FNDC3B: variants seen among roughly 807,000 people sequenced by gnomAD.
The protein encoded by FNDC3B is fibronectin type III domain-containing protein 3B.
FNDC3B carries 12 observed loss-of-function variants against 151.5 expected under a neutral mutation model. The observed-to-expected ratio is 0.08, with a 90% CI of 0.05 to 0.13. FNDC3B has a LOEUF of 0.13. Among genes scored for constraint, FNDC3B ranks in the 10% least tolerant of loss-of-function variants. FNDC3B has a pLI of 1.00. For synonymous variants in FNDC3B, 528 were observed against 549.0 expected, an observed-to-expected ratio of 0.96 and a Z score of 0.54; for missense variants, 1,214 against 1,505.3, an observed-to-expected ratio of 0.81 and a Z score of 3.20.
chr3:172,192,474 C>G (rs375932063), intron 3 of FNDC3B, among the ~76,000 whole-genome samples: 5 of 151,948 alleles, frequency 3.3e-5, no homozygotes, highest in Non-Finnish European at 4.4e-5. Flanking sequence ...TGTGAGCCAC[C>G]GCGCCTGGCT....
In FNDC3B at chr3:172,145,472, G is replaced by A. The variant is rs191672593; in HGVS notation, c.187+11926G>A. On this transcript the variant is annotated intron_variant, in intron 3 of 25. Transcript: ENST00000415807. Reference sequence around the variant, plus strand: ...ACGCATACACTTATCTCATGTAAATGTCAAACTGTTTGTTCTTGAAGTGCT... The same window carrying A: ...ACGCATACACTTATCTCATGTAAATATCAAACTGTTTGTTCTTGAAGTGCT... 4.6e-5 allele frequency among the ~76,000 whole-genome samples: 7 copies of A among 152,322 alleles called. No individual in the cohort carries two copies. In the East Asian group the frequency reaches 1.2e-3, roughly 25 times the overall value.
chr3:172,092,005 G>A (rs1276624883), intron 1 of FNDC3B, among the ~76,000 whole-genome samples: 1 of 151,818 alleles, frequency 6.6e-6, no homozygotes, highest in African/African-American at 2.4e-5. Flanking sequence ...TCAGTTTTCT[G>A]TGTTCATTTC....
At chr3:172,176,467 T>C (rs777224511) in intron 3 of FNDC3B, among the ~76,000 whole-genome samples, 10 of 152,222 alleles carry the variant, frequency 6.6e-5, no homozygotes, top group Non-Finnish European at 1.0e-4. Context: ...GTTAGTTTCC[T>C]TGCCATAGCC....
rs1213865359 is a variant in FNDC3B at position 172,307,453 on chromosome 3, C to A, written c.1152C>A (p.Pro384=). The change falls in exon 10 of 26, where the codon CCC becomes CCA. Residue 384 remains proline (P), a synonymous_variant. Coordinates refer to ENST00000415807, the MANE Select transcript of FNDC3B (RefSeq NM_022763.4). ...THSCAPECPF[P]PKLAHRSKSS... is the part of the protein sequence containing the mutation. ...GCTGTGCACCCGAGTGTCCTTTCCC[C>A]CCTAAGCTGGCACATAGGAGCAAAA... The A allele has an allele frequency of 1.2e-6, 2 of 1,613,974 alleles. No individual in the cohort carries two copies. Among genetic ancestry groups the A allele is most frequent in the Non-Finnish European group, 1.7e-6 (2 of 1,179,952 alleles).
At chr3:172,248,696 A>G (rs1727911461) in intron 5 of FNDC3B, among the ~76,000 whole-genome samples, 1 of 147,538 alleles carries the variant, frequency 6.8e-6, no homozygotes, top group Admixed American at 6.8e-5. Context: ...ATATAATTAT[A>G]TAATTTCTAT....
intron 6 of FNDC3B, among the ~76,000 whole-genome samples, chr3:172,272,534 C>A (rs1729246857): frequency 6.6e-6 from 1 of 152,040 alleles, no homozygotes; most frequent in African/African-American, 2.4e-5. Context: ...TATTTCAGAC[C>A]CACCTGGAAA....
chr3:172,398,846 T>C lies in FNDC3B; in HGVS notation c.*1371T>C, dbSNP rs1225681002. Reference sequence around the variant, plus strand: ...TGGAGTGCAAAGTGTTACTCTTACGTGTTTATTTTGAGTCATGAGATAATC... The same window carrying C: ...TGGAGTGCAAAGTGTTACTCTTACGCGTTTATTTTGAGTCATGAGATAATC... On this transcript the variant is annotated 3_prime_UTR_variant, in exon 26 of 26. Coordinates refer to ENST00000415807, the MANE Select transcript of FNDC3B (RefSeq NM_022763.4). The C allele has an allele frequency of 6.6e-6, 1 of 152,656 alleles. No homozygotes were observed. Among genetic ancestry groups the C allele is most frequent in the African/African-American group, 2.4e-5 (1 of 41,458 alleles). 9.5% of individuals were successfully genotyped at this position (152,656 alleles called of 1,614,324 possible).
chr3:172,073,603 A>G (rs1717880289), intron 1 of FNDC3B, among the ~76,000 whole-genome samples: 1 of 152,218 alleles, frequency 6.6e-6, no homozygotes, highest in Non-Finnish European at 1.5e-5. Context: ...AATAAAAGGT[A>G]GTTGTGATGA....
intron 9 of FNDC3B, among the ~76,000 whole-genome samples, chr3:172,300,843 A>G (rs927486602): frequency 1.5e-4 from 23 of 152,218 alleles, no homozygotes; most frequent in Admixed American, 9.8e-4. Context: ...AAAAACGTCT[A>G]TAGTCCAGAT....
chr3:172,286,982 T>A (rs2108827474), intron 7 of FNDC3B, among the ~76,000 whole-genome samples: 1 of 152,284 alleles, frequency 6.6e-6, no homozygotes, highest in South Asian at 2.1e-4. Flanking sequence ...AGGGGACAGA[T>A]ACAAGAGCCA....
intron 1 of FNDC3B, among the ~76,000 whole-genome samples, chr3:172,056,646 A>G (rs1349115017): frequency 2.6e-5 from 4 of 152,190 alleles, no homozygotes; most frequent in African/African-American, 9.7e-5. Flanking sequence ...ATTTGGCTCA[A>G]CGTAGTGTTT....
intron 2 of FNDC3B, among the ~76,000 whole-genome samples, chr3:172,131,786 AATT>A (rs1248330249): frequency 9.8e-5 from 15 of 152,372 alleles, no homozygotes; most frequent in Non-Finnish European, 2.9e-5. Context: ...TTACAAAACA[AATT>A]ATAGTGTATA....
At chr3:172,358,428 T>G (rs573001030) in intron 22 of FNDC3B, among the ~76,000 whole-genome samples, 4 of 152,392 alleles carry the variant, frequency 2.6e-5, no homozygotes, top group African/African-American at 4.8e-5. Context: ...ATTGTTGTTT[T>G]CTTCAGTTCC....
intron 24 of FNDC3B, among the ~76,000 whole-genome samples, chr3:172,380,616 G>T (rs1002807147): frequency 6.6e-6 from 1 of 152,088 alleles, no homozygotes; most frequent in Non-Finnish European, 1.5e-5. Context: ...TTGAAAACAG[G>T]GTTTACCTTG....
intron 21 of FNDC3B, among the ~76,000 whole-genome samples, chr3:172,350,110 GA>G (rs1272610864): frequency 6.6e-6 from 1 of 152,132 alleles, no homozygotes; most frequent in Non-Finnish European, 1.5e-5. Flanking sequence ...AAAGGTGTTT[GA>G]AAAAATAGAG....
chr3:172,106,752 T>C (rs1443442195), intron 1 of FNDC3B, among the ~76,000 whole-genome samples: 2 of 152,190 alleles, frequency 1.3e-5, no homozygotes, highest in Non-Finnish European at 2.9e-5. Context: ...CTTCTGCGAA[T>C]CGTTGTTTTT....
At chr3:172,152,441 T>C (rs1211454810) in intron 3 of FNDC3B, among the ~76,000 whole-genome samples, 4 of 152,190 alleles carry the variant, frequency 2.6e-5, no homozygotes, top group Non-Finnish European at 5.9e-5. Flanking sequence ...TCCACGGGTG[T>C]GTTGCATTGC....
At chr3:172,241,642 G>A (rs1727498662) in intron 4 of FNDC3B, among the ~76,000 whole-genome samples, 1 of 151,662 alleles carries the variant, frequency 6.6e-6, no homozygotes, top group Non-Finnish European at 1.5e-5. Context: ...TCACTATCAT[G>A]AGAACAGCAT....
intron 3 of FNDC3B, among the ~76,000 whole-genome samples, chr3:172,183,667 AT>A (rs1225516696): frequency 6.6e-6 from 1 of 152,174 alleles, no homozygotes; most frequent in Non-Finnish European, 1.5e-5. Flanking sequence ...TGCCTTGTCT[AT>A]TCTTCTTAAC....
Sources: gnomAD v4.1 joint callset for allele counts (sites outside exome capture counted in the v4.1 genomes callset) on GRCh38, gnomAD v4.1.1 for gene constraint, MANE v1.5 for transcripts, NCBI Gene and HGNC (gene_info 2026-07-23, HGNC 2026-07-21) for gene names.